The following ARHGAP25 variants were observed in gnomAD, a reference collection of about 807,000 sequenced individuals.
ARHGAP25 encodes rho GTPase-activating protein 25.
In ARHGAP25, 34 loss-of-function variants were observed where a neutral mutation model predicts 71.0. That is an observed-to-expected ratio of 0.48 (90% CI 0.36 to 0.64). ARHGAP25 has a LOEUF of 0.64. Ranked by LOEUF, ARHGAP25 falls within the 30% of genes least tolerant of loss-of-function variation. The probability of loss-of-function intolerance (pLI) is 0.00; values close to 1 mark genes in which losing one functional copy is unlikely to be tolerated. For missense variants in ARHGAP25, 706 were observed against 805.1 expected, an observed-to-expected ratio of 0.88 and a Z score of 1.49; for synonymous variants, 282 against 296.5, an observed-to-expected ratio of 0.95 and a Z score of 0.50.
chr2:68,794,348 G>T (rs1679392496), intron 4 of ARHGAP25, among the ~76,000 whole-genome samples: 1 of 152,132 alleles, frequency 6.6e-6, no homozygotes, highest in African/African-American at 2.4e-5. Context: ...TTTTGTTCCA[G>T]TTCTTAGAGG....
chr2:68,727,473 G>T (rs950870293), intron 2 of ARHGAP25, among the ~76,000 whole-genome samples: 2 of 152,072 alleles, frequency 1.3e-5, no homozygotes, highest in African/African-American at 4.8e-5. Flanking sequence ...TGCCTCAGAG[G>T]GTCTGCCTCT....
intron 1 of ARHGAP25, among the ~76,000 whole-genome samples, chr2:68,750,468 A>G (rs1676096724): frequency 6.6e-6 from 1 of 151,632 alleles, no homozygotes; most frequent in South Asian, 2.1e-4. Flanking sequence ...GACTACAGGC[A>G]CCTGTCACCA....
chr2:68,745,830 G>A (rs1558610285), intron 1 of ARHGAP25, among the ~76,000 whole-genome samples: 1 of 152,208 alleles, frequency 6.6e-6, no homozygotes, highest in Non-Finnish European at 1.5e-5. Flanking sequence ...TCCATGTCTG[G>A]TGAAGGCTCA....
At position 68,724,617 on chromosome 2, in the gene ARHGAP25, C is replaced by T. The variant is rs1045286598; in HGVS notation, c.-18+13919C>T. Among the ~76,000 whole-genome samples the T allele has an allele frequency of 3.9e-5, 6 of 152,196 alleles. No homozygotes were observed. The South Asian group carries it at 6.2e-4, about 16-fold the overall frequency. ...CATTATTTAACTATGCTCCAATGGA[C>T]CTCTGCCCTAAACACCAGACTCAGA... On this transcript the variant is annotated intron_variant and NMD_transcript_variant, in intron 2 of 7. Transcript: ENST00000463483.
At chr2:68,823,883 T>C (rs1368760009) in intron 10 of ARHGAP25, among the ~76,000 whole-genome samples, 14 of 152,316 alleles carry the variant, frequency 9.2e-5, no homozygotes, top group Admixed American at 5.9e-4. Context: ...TCTTGAAATA[T>C]TTTTCACACT....
At chr2:68,817,252 T>A (rs999502920) in intron 7 of ARHGAP25, among the ~76,000 whole-genome samples, 4 of 152,232 alleles carry the variant, frequency 2.6e-5, no homozygotes, top group Admixed American at 2.6e-4. Flanking sequence ...TGAAATTGTG[T>A]TGCTTCATTC....
intron 1 of ARHGAP25, among the ~76,000 whole-genome samples, chr2:68,749,366 T>C (rs1676023402): frequency 6.6e-6 from 1 of 152,200 alleles, no homozygotes. Context: ...AGCCATCCCT[T>C]GGCCTCATGA....
At chr2:68,800,133 G>A (rs1056201222) in intron 4 of ARHGAP25, among the ~76,000 whole-genome samples, 3 of 151,876 alleles carry the variant, frequency 2.0e-5, no homozygotes, top group Admixed American at 6.6e-5. Context: ...GGTGGGGAGC[G>A]CTTCTGGAAC....
intron 8 of ARHGAP25, 128 bp downstream of exon 8, chr2:68,818,122 T>C (rs1431133446): frequency 2.3e-6 from 3 of 1,279,346 alleles, no homozygotes; most frequent in African/African-American, 2.9e-5. Flanking sequence ...ATCTGAATCA[T>C]GCAATAGCCT....
chr2:68,782,147 C>G (rs1410566989), intron 2 of ARHGAP25, 86 bp from the exon 3 acceptor site: 22 of 1,191,038 alleles, frequency 1.8e-5, no homozygotes, highest in Non-Finnish European at 2.6e-5. Flanking sequence ...CTCCCCATCC[C>G]ATCATTATCC....
At chr2:68,757,946 A>C (rs1157351873) in intron 1 of ARHGAP25, among the ~76,000 whole-genome samples, 2 of 152,042 alleles carry the variant, frequency 1.3e-5, no homozygotes, top group African/African-American at 4.8e-5. Flanking sequence ...TGTAATTCTG[A>C]GACATCTGCA....
chr2:68,812,177 T>A (rs1680874452), intron 5 of ARHGAP25, among the ~76,000 whole-genome samples: 2 of 152,196 alleles, frequency 1.3e-5, no homozygotes, highest in Non-Finnish European at 2.9e-5. Flanking sequence ...AATGAACAAG[T>A]GTGGTGGTGT....
chr2:68,761,818 A>G (rs570365913), intron 1 of ARHGAP25, among the ~76,000 whole-genome samples: 39 of 152,228 alleles, frequency 2.6e-4, no homozygotes, highest in Admixed American at 7.9e-4. Flanking sequence ...TATGGAAAAC[A>G]GTATAGCAGT....
chr2:68,716,433 T>C (rs58917825), intron 2 of ARHGAP25, among the ~76,000 whole-genome samples: 35,714 of 152,120 alleles, frequency 0.23, 4,445 homozygotes, highest in East Asian at 0.37. Flanking sequence ...TTTTGTGGCT[T>C]CTTCCAAAAT....
chr2:68,790,336 C>T (rs1679084333), intron 4 of ARHGAP25, among the ~76,000 whole-genome samples: 1 of 152,162 alleles, frequency 6.6e-6, no homozygotes, highest in Non-Finnish European at 1.5e-5. Context: ...AATGTGAGGG[C>T]ATTTTTAAGA....
At chr2:68,773,755 G>A (rs1677643376) in intron 1 of ARHGAP25, among the ~76,000 whole-genome samples, 2 of 152,192 alleles carry the variant, frequency 1.3e-5, no homozygotes, top group Admixed American at 1.3e-4. Flanking sequence ...AGTGAAGAGG[G>A]AAGTTGAAGA....
chr2:68,793,127 G>A (rs1293539697), intron 4 of ARHGAP25, among the ~76,000 whole-genome samples: 1 of 151,790 alleles, frequency 6.6e-6, no homozygotes, highest in Non-Finnish European at 1.5e-5. Flanking sequence ...GGGTTATTTT[G>A]TTTATTGTTG....
intron 2 of ARHGAP25, among the ~76,000 whole-genome samples, chr2:68,718,056 G>A (rs1674660746): frequency 1.3e-5 from 2 of 151,932 alleles, no homozygotes; most frequent in South Asian, 2.1e-4. Flanking sequence ...TGTACTACCA[G>A]CTGTGAACAC....
At chr2:68,729,438 A>C (rs954850972) in intron 2 of ARHGAP25, among the ~76,000 whole-genome samples, 2 of 152,226 alleles carry the variant, frequency 1.3e-5, no homozygotes, top group Non-Finnish European at 2.9e-5. Context: ...GTGGGCTGCA[A>C]ATCAGAAATA....
Sources: allele counts gnomAD v4.1 joint callset (sites outside exome capture counted in the v4.1 genomes callset), GRCh38; gene constraint gnomAD v4.1.1; transcripts MANE v1.5; gene names NCBI Gene and HGNC (gene_info 2026-07-23, HGNC 2026-07-21).